BCO1: variants seen among roughly 807,000 people sequenced by gnomAD.
BCO1 encodes the protein beta,beta-carotene 15,15'-dioxygenase.
BCO1 carries 54 observed loss-of-function variants against 56.3 expected under a neutral mutation model. That is an observed-to-expected ratio of 0.96 (90% confidence interval 0.77 to 1.20). The LOEUF (loss-of-function observed/expected upper bound fraction) is 1.20. BCO1 is among the 50% of genes most tolerant of loss of function. BCO1 has a pLI of 0.00. For synonymous variants in BCO1, 318 were observed against 266.1 expected (o/e 1.20, Z -1.90); for missense variants, 801 against 690.9 (o/e 1.16, Z -1.79).
At chr16:81,240,522 A>G (rs956970651) in intron 1 of BCO1, among the ~76,000 whole-genome samples, 4 of 152,058 alleles carry the variant, frequency 2.6e-5, no homozygotes, top group Non-Finnish European at 5.9e-5. Context: ...CCTGGCTAAC[A>G]TGGCGAAATC....
In BCO1 at chr16:81,280,793, A is replaced by G. The variant is rs546890336; in HGVS notation, c.1102-64A>G. 4.2e-4 allele frequency: 513 copies of G among 1,216,142 alleles called. 2 individuals are homozygous for G. Among genetic ancestry groups the G allele is most frequent in the African/African-American group, 3.7e-3 (250 of 67,494 alleles). The allele number at this position is 1,216,142 out of a possible 1,614,324, so 75.3% of individuals were successfully genotyped here. A position where few individuals can be genotyped will look rare whatever the true frequency, so the allele number is the denominator to read the frequency against. ...AAGCATTTTAAAAAATATATACACT[A>G]AAGCAAATGTTTGCTCTGGATTACA... is the stretch of plus-strand genomic sequence containing the variant. On this transcript the variant is annotated intron_variant, in intron 7 of 10. Coordinates refer to ENST00000258168, the MANE Select transcript of BCO1 (RefSeq NM_017429.3).
intron 2 of BCO1, among the ~76,000 whole-genome samples, chr16:81,249,269 T>G (rs1472984162): frequency 6.6e-6 from 1 of 151,946 alleles, no homozygotes; most frequent in South Asian, 2.1e-4. Flanking sequence ...TTTTTTTTCT[T>G]TTTTTGAGAC....
chr16:81,286,552 C>T (rs139093908), intron 9 of BCO1, among the ~76,000 whole-genome samples: 11 of 152,282 alleles, frequency 7.2e-5, no homozygotes, highest in African/African-American at 2.4e-4. Flanking sequence ...ATTTCAAATA[C>T]AAGATATGTT....
At chr16:81,242,893 A>G (rs1905202199) in intron 1 of BCO1, among the ~76,000 whole-genome samples, 1 of 152,098 alleles carries the variant, frequency 6.6e-6, no homozygotes, top group Non-Finnish European at 1.5e-5. Context: ...CCTGTCGTGA[A>G]CTGCACATAG....
chr16:81,245,891 T>G (rs1905383676), intron 2 of BCO1, among the ~76,000 whole-genome samples: 1 of 148,446 alleles, frequency 6.7e-6, no homozygotes, highest in South Asian at 2.2e-4. Context: ...AGACGGAGTT[T>G]TGCTCTTGTT....
chr16:81,261,380 G>C (rs1166589646), intron 3 of BCO1, among the ~76,000 whole-genome samples: 2 of 152,144 alleles, frequency 1.3e-5, no homozygotes, highest in Non-Finnish European at 2.9e-5. Flanking sequence ...TAATTAGTTT[G>C]TTTTCCTTTT....
intron 1 of BCO1, among the ~76,000 whole-genome samples, chr16:81,241,113 C>T (rs551837039): frequency 2.6e-5 from 4 of 152,102 alleles, no homozygotes; most frequent in African/African-American, 7.2e-5. Context: ...GGATTATAGG[C>T]GTGAACCACC....
rs1905961973 is a variant in BCO1, at chr16:81,253,873, G to T, written c.194-5803G>T. ...AGTTACTTGGGAAACTGAGGTGGGAGGATCACTCGAGCCTGGGAGATTGAG... is the reference window on the plus strand; with the variant it reads ...AGTTACTTGGGAAACTGAGGTGGGATGATCACTCGAGCCTGGGAGATTGAG... On this transcript the variant is annotated intron_variant, in intron 2 of 10. Transcript: ENST00000258168. Among the ~76,000 whole-genome samples, 3 of 152,260 alleles carry T rather than the reference G, an allele frequency of 2.0e-5. No individual in the cohort carries two copies. The South Asian group carries it at 6.2e-4, about 32-fold the overall frequency.
chr16:81,276,755 T>C (rs1397520460), intron 7 of BCO1, among the ~76,000 whole-genome samples: 1 of 152,200 alleles, frequency 6.6e-6, no homozygotes, highest in Non-Finnish European at 1.5e-5. Context: ...TTTTTAATTT[T>C]ACTTAAGCTT....
At chr16:81,261,874 T>C (rs1906503129) in intron 3 of BCO1, 3 of 394,626 alleles carry the variant, frequency 7.6e-6, no homozygotes, top group Admixed American at 7.2e-5. Flanking sequence ...CCCGAGTAGC[T>C]GGGACTACAG....
At chr16:81,283,456 G>A (rs1471462737) in intron 8 of BCO1, among the ~76,000 whole-genome samples, 1 of 152,058 alleles carries the variant, frequency 6.6e-6, no homozygotes, top group Non-Finnish European at 1.5e-5. Context: ...AATTAGCCGG[G>A]GGTAGTGGTG....
chr16:81,273,175 G>C (rs1310159485), intron 7 of BCO1, among the ~76,000 whole-genome samples: 1 of 152,084 alleles, frequency 6.6e-6, no homozygotes, highest in East Asian at 1.9e-4. Context: ...TAGAGATGGG[G>C]TTTCACCATG....
chr16:81,267,767 C>A (rs377379208), intron 5 of BCO1, 141 bp from the exon 6 acceptor site: 7 of 736,008 alleles, frequency 9.5e-6, no homozygotes, highest in African/African-American at 3.5e-5. Flanking sequence ...GCTGCAGCAA[C>A]CTTGTTGTCT....
chr16:81,284,258 A>ATATTTATATATTTATATATAAATATT (rs1327208071), intron 8 of BCO1, among the ~76,000 whole-genome samples: 6 of 724 alleles, frequency 8.3e-3, no homozygotes, highest in African/African-American at 0.014. Flanking sequence ...TTATATATAA[A>ATATTTATATATTTATATATAAATATT]TATATATTTA....
chr16:81,276,460 CAGG>C (rs1907563246), intron 7 of BCO1, among the ~76,000 whole-genome samples: 1 of 152,244 alleles, frequency 6.6e-6, no homozygotes, highest in Non-Finnish European at 1.5e-5. Flanking sequence ...GTTCCTGCCA[CAGG>C]CCCATGAGGT....
chr16:81,288,403 C>A (rs918959797), intron 10 of BCO1, among the ~76,000 whole-genome samples: 1 of 152,180 alleles, frequency 6.6e-6, no homozygotes, highest in African/African-American at 2.4e-5. Flanking sequence ...GCTGGAGCTA[C>A]AGGGGCACAC....
At chr16:81,270,019 T>G in intron 6 of BCO1, 140 bp from the exon 7 acceptor site, 1 of 1,071,704 alleles carries the variant, frequency 9.3e-7, no homozygotes, top group Non-Finnish European at 1.4e-6. Context: ...TCTGGTGTTG[T>G]GGAGCACACA....
intron 2 of BCO1, among the ~76,000 whole-genome samples, chr16:81,258,746 C>T (rs946463259): frequency 1.3e-5 from 2 of 152,202 alleles, no homozygotes; most frequent in Admixed American, 1.3e-4. Flanking sequence ...TTTGCATTAT[C>T]ACATTTTGCA....
intron 6 of BCO1, 45 bp downstream of exon 6, chr16:81,268,176 T>TG: frequency 6.4e-7 from 1 of 1,551,064 alleles, no homozygotes; most frequent in South Asian, 1.1e-5. Flanking sequence ...TGGCTGACCA[T>TG]GGAGGGAGGC....
Sources: gnomAD v4.1 joint callset for allele counts (sites outside exome capture counted in the v4.1 genomes callset) on GRCh38, gnomAD v4.1.1 for gene constraint, MANE v1.5 for transcripts, NCBI Gene and HGNC (gene_info 2026-07-23, HGNC 2026-07-21) for gene names.